Variants in CDK2AP1 observed in about 807,000 individuals in gnomAD.
CDK2AP1 encodes the protein cyclin-dependent kinase 2-associated protein 1.
Under a neutral mutation model 14.1 loss-of-function variants are expected in CDK2AP1, and 10 were observed. That is an observed-to-expected ratio of 0.71 (90% CI 0.44 to 1.20). The LOEUF (loss-of-function observed/expected upper bound fraction) is 1.20. Among genes scored for constraint, CDK2AP1 ranks in the 50% most tolerant of loss-of-function variants. The probability of loss-of-function intolerance (pLI) is 0.00; values close to 1 mark genes in which losing one functional copy is unlikely to be tolerated. For missense variants in CDK2AP1, 102 were observed against 149.9 expected, an observed-to-expected ratio of 0.68 and a Z score of 1.67; for synonymous variants, 59 against 59.8, an observed-to-expected ratio of 0.99 and a Z score of 0.06.
rs767183933 is a variant in CDK2AP1 at position 123,267,167 on chromosome 12, T to TCACCCCCA, written c.153+10_153+17dup. 2 of 1,422,174 alleles carry TCACCCCCA rather than the reference T, an allele frequency of 1.4e-6. No homozygotes were observed. The highest frequency in any genetic ancestry group is 2.3e-5 in the South Asian group (2 of 87,132). 88.1% of individuals were successfully genotyped at this position (1,422,174 alleles called of 1,614,324 possible). ...TCCCCCTGGCCCTCCCACCATGCCA[T>TCACCCCCA]CACCCCCATTGACATACCTGGGTGT... On this transcript the variant is annotated intron_variant, in intron 2 of 3. Transcript: ENST00000261692.
At chr12:123,267,143 C>T (rs768876221) in intron 2 of CDK2AP1, 42 bp downstream of exon 2, 1 of 1,109,968 alleles carries the variant, frequency 9.0e-7, no homozygotes, top group Non-Finnish European at 1.4e-6. Context: ...AAGCATGTCT[C>T]CCCCTGGCCC....
At chr12:123,261,890 TC>T in intron 3 of CDK2AP1, 87 bp from the exon 4 acceptor site, 1 of 901,054 alleles carries the variant, frequency 1.1e-6, no homozygotes, top group South Asian at 1.3e-5. Context: ...GATCCATCCT[TC>T]CACAGCCTGT....
intron 1 of CDK2AP1, chr12:123,270,891 C>G (rs1012148650): frequency 1.0e-6 from 1 of 985,168 alleles, no homozygotes; most frequent in African/African-American, 1.7e-5. Context: ...GCTCACCTTA[C>G]GGGGGTCCCC....
At chr12:123,267,132 G>A (rs1566004655) in intron 2 of CDK2AP1, 53 bp downstream of exon 2, 1 of 1,028,990 alleles carries the variant, frequency 9.7e-7, no homozygotes, top group East Asian at 2.4e-5. Context: ...CTGATGGTGG[G>A]AAGCATGTCT....
chr12:123,268,305 G>A (rs570202330), intron 1 of CDK2AP1: 26 of 890,852 alleles, frequency 2.9e-5, no homozygotes, highest in Admixed American at 1.2e-4. Flanking sequence ...CCAGCTGCTC[G>A]CTTGGTGTGG....
upstream of CDK2AP1, chr12:123,272,067 G>A (rs1298772858): frequency 2.7e-5 from 4 of 150,434 alleles, no homozygotes; most frequent in Non-Finnish European, 4.4e-5. Context: ...CTGGGGGCCG[G>A]TCCCGCGGCG....
chr12:123,271,462 C>A (rs1430626372), intron 1 of CDK2AP1, 102 bp downstream of exon 1: 11 of 526,554 alleles, frequency 2.1e-5, no homozygotes, highest in Non-Finnish European at 2.4e-5. Context: ...GAGCCCCCCG[C>A]CCCCGGCCTC....
rs775171614 is a variant in CDK2AP1, at chr12:123,267,180, C to T, written c.153+5G>A. On this transcript the variant is annotated splice_donor_5th_base_variant and intron_variant, in intron 2 of 3. Coordinates refer to ENST00000261692, the MANE Select transcript of CDK2AP1 (RefSeq NM_004642.4). ...CCCACCATGCCATCACCCCCATTGA[C>T]ATACCTGGGTGTAGCCTAGGGACGG... 1 of 1,551,936 alleles carries T rather than the reference C, an allele frequency of 6.4e-7. No individual in the cohort carries two copies. Among genetic ancestry groups the T allele is most frequent in the Non-Finnish European group, 8.9e-7 (1 of 1,123,448 alleles).
intron 2 of CDK2AP1, among the ~76,000 whole-genome samples, chr12:123,266,206 C>T (rs1409315353): frequency 1.3e-5 from 2 of 152,234 alleles, no homozygotes; most frequent in African/African-American, 4.8e-5. Flanking sequence ...GTCCTGTCCT[C>T]GTCCTGCTCC....
chr12:123,268,032 C>A (rs557275042), intron 1 of CDK2AP1: 3 of 270,598 alleles, frequency 1.1e-5, no homozygotes, highest in South Asian at 2.8e-4. Context: ...AGGGCCCAGC[C>A]CAGAACGCAG....
At chr12:123,268,924 G>A (rs1431551804) in intron 1 of CDK2AP1, among the ~76,000 whole-genome samples, 1 of 152,156 alleles carries the variant, frequency 6.6e-6, no homozygotes, top group Non-Finnish European at 1.5e-5. Flanking sequence ...TCTGATCCTG[G>A]TCACTACACC....
rs553457906 is a variant in CDK2AP1 at position 123,263,545 on chromosome 12, G to A, written c.280+1651C>T. On this transcript the variant is annotated intron_variant, in intron 3 of 3. Coordinates refer to ENST00000261692, the MANE Select transcript of CDK2AP1 (RefSeq NM_004642.4). ...TCAGGTAAGCAGCACCCCAGCTACC[G>A]GAGAGCAGCCCTGGGACCACCCAAC... is the stretch of plus-strand genomic sequence containing the variant. 7.2e-4 allele frequency among the ~76,000 whole-genome samples: 109 copies of A among 152,262 alleles called. 1 individual carries two copies. Among genetic ancestry groups the A allele is most frequent in the African/African-American group, 2.4e-3 (101 of 41,542 alleles).
chr12:123,264,900 AAC>A (rs1443400891), intron 3 of CDK2AP1, among the ~76,000 whole-genome samples: 1 of 152,050 alleles, frequency 6.6e-6, no homozygotes, highest in Non-Finnish European at 1.5e-5. Flanking sequence ...GGGCACTTCG[AAC>A]ACACCCTTGA....
At position 123,265,259 on chromosome 12, in the gene CDK2AP1, G is replaced by A; in HGVS notation, c.217C>T (p.Leu73=). The stretch of plus-strand genomic sequence containing the variant: ...TACGTGGGTCTGATCTCCTTCCCCA[G>A]CTCTTCAATGATGGCCAGCAGCTCC... The part of the protein sequence containing the change: ...YAELLAIIEE[L]GKEIRPTYAG... Residue 73 remains leucine, a synonymous_variant, in exon 3 of 4, where the codon CTG becomes TTG. Coordinates refer to ENST00000261692, the MANE Select transcript of CDK2AP1 (RefSeq NM_004642.4). This position sits in a 1 kb window ranked among gnomAD's most constrained non-coding sequence, Gnocchi z 5.3. 6.2e-7 allele frequency: 1 copy of A among 1,614,124 alleles called. No homozygotes were observed. The highest frequency in any genetic ancestry group is 8.5e-7 in the Non-Finnish European group (1 of 1,179,966).
intron 3 of CDK2AP1, among the ~76,000 whole-genome samples, chr12:123,264,462 CAAA>C (rs1167157405): frequency 1.1e-4 from 8 of 69,858 alleles, no homozygotes; most frequent in Admixed American, 3.8e-4. Context: ...CTCCGTCTCC[CAAA>C]AAAAAAAAAA....
At chr12:123,263,642 T>C (rs1304075345) in intron 3 of CDK2AP1, among the ~76,000 whole-genome samples, 3 of 152,138 alleles carry the variant, frequency 2.0e-5, no homozygotes, top group Non-Finnish European at 4.4e-5. Context: ...CCTCTAACCC[T>C]GGTAGTCCCA....
Position 123,265,125 on chromosome 12 carries a change from TC to T in CDK2AP1, c.280+70del. 6.3e-7 allele frequency: 1 copy of T among 1,595,454 alleles called. No homozygotes were observed. Among genetic ancestry groups the T allele is most frequent in the Non-Finnish European group, 8.6e-7 (1 of 1,167,368 alleles). Reference sequence around the variant, plus strand: ...ATCCCTAGCCCACCTTCCCACATTTTCCCCAAAAGTCTTTCCAGAGTTAAAG... The same window carrying T: ...ATCCCTAGCCCACCTTCCCACATTTTCCCAAAAGTCTTTCCAGAGTTAAAG... On this transcript the variant is annotated intron_variant, in intron 3 of 3. Transcript: ENST00000261692. This position sits in a 1 kb window ranked among gnomAD's most constrained non-coding sequence, Gnocchi z 5.3.
Position 123,265,407 on chromosome 12 carries a change from G to A in CDK2AP1, c.154-85C>T. The A allele has an allele frequency of 7.4e-7, 1 of 1,359,252 alleles. No individual in the cohort carries two copies. The highest frequency in any genetic ancestry group is 1.0e-6 in the Non-Finnish European group (1 of 958,670). 84.2% of individuals were successfully genotyped at this position (1,359,252 alleles called of 1,614,324 possible). A position where few individuals can be genotyped will look rare whatever the true frequency, so the allele number is the denominator to read the frequency against. On this transcript the variant is annotated intron_variant, in intron 2 of 3. Transcript: ENST00000261692. The surrounding 1 kb of genome is among the most constrained non-coding windows in gnomAD (Gnocchi z 5.3). ...AGTCCCAGTTACTCAGGAGGCTGAG[G>A]CAGGAGAACTGCTTGGACCCAGGAG...
chr12:123,271,207 C>G (rs1443668779), intron 1 of CDK2AP1: 1 of 165,846 alleles, frequency 6.0e-6, no homozygotes, highest in African/African-American at 2.4e-5. Flanking sequence ...CGACTCCCGC[C>G]GGCAGGGGCC....
Sources: allele counts gnomAD v4.1 joint callset (sites outside exome capture counted in the v4.1 genomes callset), GRCh38; gene constraint gnomAD v4.1.1; non-coding constraint Gnocchi (gnomAD v3.1); transcripts MANE v1.5; gene names NCBI Gene and HGNC (gene_info 2026-07-23, HGNC 2026-07-21).